Variants in SNX25 observed in about 807,000 individuals in gnomAD.
The protein encoded by SNX25 is sorting nexin-25.
A neutral mutation model predicts 113.7 loss-of-function variants in SNX25; 62 were observed. That is an observed-to-expected ratio of 0.55 (90% CI 0.44 to 0.67). The LOEUF (loss-of-function observed/expected upper bound fraction) is 0.67. SNX25 is among the 30% of genes least tolerant of loss of function. The pLI is 0.00. For missense variants in SNX25, 1,014 were observed against 1,161.0 expected (o/e 0.87, Z 1.84); for synonymous variants, 421 against 436.2 (o/e 0.97, Z 0.43).
chr4:185,243,145 A>G (rs1579445003), intron 1 of SNX25, among the ~76,000 whole-genome samples: 1 of 152,348 alleles, frequency 6.6e-6, no homozygotes, highest in Middle Eastern at 3.4e-3. Flanking sequence ...AATAGAAAAC[A>G]TTATTCTCAT....
At chr4:185,293,903 T>C (rs552068975) in intron 6 of SNX25, among the ~76,000 whole-genome samples, 9 of 152,148 alleles carry the variant, frequency 5.9e-5, no homozygotes, top group African/African-American at 1.9e-4. Flanking sequence ...AATAGATAAA[T>C]GATGAAAACT....
chr4:185,357,028 A>G (rs1358809740), intron 15 of SNX25, among the ~76,000 whole-genome samples: 2 of 152,218 alleles, frequency 1.3e-5, no homozygotes, highest in African/African-American at 2.4e-5. Context: ...AGAAAGGCAC[A>G]TGTTAATACC....
chr4:185,291,560 A>T (rs951403708), intron 6 of SNX25, among the ~76,000 whole-genome samples: 1 of 152,204 alleles, frequency 6.6e-6, no homozygotes, highest in Admixed American at 6.5e-5. Flanking sequence ...ACAGTTTTGG[A>T]GGCAAGAAGT....
chr4:185,223,823 C>T (rs889825279), intron 1 of SNX25, among the ~76,000 whole-genome samples: 4 of 151,838 alleles, frequency 2.6e-5, no homozygotes, highest in African/African-American at 4.8e-5. Context: ...TACCTAGATC[C>T]ATTAATTTAT....
chr4:185,301,266 A>G (rs1172975872), intron 6 of SNX25, among the ~76,000 whole-genome samples: 1 of 152,204 alleles, frequency 6.6e-6, no homozygotes, highest in South Asian at 2.1e-4. Context: ...AGGCCTAATG[A>G]CAGTATTCAA....
chr4:185,289,143 C>T (rs569759429), intron 6 of SNX25, among the ~76,000 whole-genome samples: 1 of 152,254 alleles, frequency 6.6e-6, no homozygotes, highest in South Asian at 2.1e-4. Context: ...TGTAAGGAAG[C>T]CTGTGCAAAT....
chr4:185,302,854 C>T (rs1753908141), intron 6 of SNX25, among the ~76,000 whole-genome samples: 1 of 152,210 alleles, frequency 6.6e-6, no homozygotes, highest in Non-Finnish European at 1.5e-5. Context: ...CCAGCACTAC[C>T]TCCAGTGCCT....
chr4:185,207,354 C>T (rs1462715370), upstream of SNX25, among the ~76,000 whole-genome samples: 9 of 151,554 alleles, frequency 5.9e-5, no homozygotes, highest in African/African-American at 2.2e-4. Flanking sequence ...GTAGCTGGGA[C>T]TACAGGCGCA....
At chr4:185,278,711 A>G (rs1260858949) in intron 5 of SNX25, among the ~76,000 whole-genome samples, 1 of 152,256 alleles carries the variant, frequency 6.6e-6, no homozygotes, top group Non-Finnish European at 1.5e-5. Context: ...TTTTCAATAT[A>G]GAACATAAAA....
downstream of SNX25, chr4:185,372,835 A>C: frequency 2.6e-6 from 4 of 1,562,534 alleles, no homozygotes; most frequent in Non-Finnish European, 3.5e-6. Context: ...ACAGCAGCAC[A>C]GAACAGACAA....
At chr4:185,350,711 A>G (rs2095310736) in intron 13 of SNX25, among the ~76,000 whole-genome samples, 1 of 152,148 alleles carries the variant, frequency 6.6e-6, no homozygotes, top group African/African-American at 2.4e-5. Context: ...AAAATGCGAA[A>G]ATTAGCCAGT....
intron 6 of SNX25, among the ~76,000 whole-genome samples, chr4:185,289,544 G>A (rs1751858386): frequency 1.3e-5 from 2 of 152,164 alleles, no homozygotes; most frequent in South Asian, 4.1e-4. Flanking sequence ...AGAGGCGGCA[G>A]GGAACCCAGT....
At chr4:185,309,340 G>A (rs887212376) in intron 6 of SNX25, among the ~76,000 whole-genome samples, 3 of 152,140 alleles carry the variant, frequency 2.0e-5, no homozygotes, top group African/African-American at 4.8e-5. Context: ...CGTCATATTC[G>A]TAACCCCAAC....
intron 1 of SNX25, among the ~76,000 whole-genome samples, chr4:185,222,955 A>C (rs1441688300): frequency 6.6e-6 from 1 of 152,220 alleles, no homozygotes; most frequent in Non-Finnish European, 1.5e-5. Flanking sequence ...AAATAATATA[A>C]TGCTTTGGAT....
chr4:185,374,228 G>A (rs772206272), downstream of SNX25: 109 of 1,613,978 alleles, frequency 6.8e-5, no homozygotes, highest in African/African-American at 9.3e-5. Flanking sequence ...TGTCTGCTGC[G>A]ATAAGCCACA....
chr4:185,241,728 G>C (rs1279237167), intron 1 of SNX25, among the ~76,000 whole-genome samples: 1 of 152,082 alleles, frequency 6.6e-6, no homozygotes, highest in East Asian at 1.9e-4. Context: ...GGATACTGAA[G>C]ATTATCAGTT....
At chr4:185,291,394 CATTCT>C (rs1231282857) in intron 6 of SNX25, among the ~76,000 whole-genome samples, 1 of 152,190 alleles carries the variant, frequency 6.6e-6, no homozygotes, top group Non-Finnish European at 1.5e-5. Context: ...TGACAACCAC[CATTCT>C]ACTTTCTGTC....
Position 185,232,785 on chromosome 4 carries a change from C to A in SNX25, c.430-14509C>A, listed in dbSNP as rs949995774. ...CGAGAACTATTATGACATGAGAATT[C>A]TTTTTCCAATATACTTTAATATGTA... On this transcript the variant is annotated intron_variant, in intron 1 of 18. Coordinates refer to ENST00000652585, the MANE Select transcript of SNX25 (RefSeq NM_001378034.2). This position sits in a 1 kb window ranked among gnomAD's most constrained non-coding sequence, Gnocchi z 4.4. 4.6e-5 allele frequency among the ~76,000 whole-genome samples: 7 copies of A among 152,128 alleles called. No homozygotes were observed. Among genetic ancestry groups the A allele is most frequent in the East Asian group, 1.9e-4 (1 of 5,194 alleles).
At chr4:185,208,025 A>G (rs1294356624), upstream of SNX25, among the ~76,000 whole-genome samples, 3 of 152,220 alleles carry the variant, frequency 2.0e-5, no homozygotes, top group African/African-American at 7.2e-5. Context: ...GGTAGGGTAC[A>G]CTTTGAGGGG....
Sources: gnomAD v4.1 joint callset for allele counts (sites outside exome capture counted in the v4.1 genomes callset) on GRCh38, gnomAD v4.1.1 for gene constraint, Gnocchi (gnomAD v3.1) non-coding constraint, MANE v1.5 for transcripts, NCBI Gene and HGNC (gene_info 2026-07-23, HGNC 2026-07-21) for gene names.